The following MIER3 variants were observed in gnomAD, a reference collection of about 807,000 sequenced individuals.
The protein encoded by MIER3 is MIER family member 3.
Under a neutral mutation model 63.2 loss-of-function variants are expected in MIER3, and 9 were observed. The observed-to-expected ratio is 0.14, with a 90% CI of 0.09 to 0.25. The LOEUF (loss-of-function observed/expected upper bound fraction) is 0.25, where lower values mean the gene tolerates loss of function less well. MIER3 is among the 10% of genes least tolerant of loss of function. The probability of loss-of-function intolerance (pLI) is 1.00; values close to 1 mark genes in which losing one functional copy is unlikely to be tolerated. For missense variants in MIER3, 512 were observed against 666.2 expected (o/e 0.77, Z 2.55); for synonymous variants, 205 against 224.9 (o/e 0.91, Z 0.79).
chr5:56,924,498 G>T (rs560499766), intron 10 of MIER3, among the ~76,000 whole-genome samples: 2 of 152,304 alleles, frequency 1.3e-5, no homozygotes, highest in East Asian at 3.9e-4. Flanking sequence ...TTTCTGGAGA[G>T]AAGGAATGCA....
At chr5:56,950,462 TATA>T (rs1561248990) in intron 2 of MIER3, among the ~76,000 whole-genome samples, 163 bp downstream of exon 2, 2 of 152,018 alleles carry the variant, frequency 1.3e-5, no homozygotes, top group Non-Finnish European at 2.9e-5. Flanking sequence ...CAAAGAACAG[TATA>T]ACTGTTTCTT....
chr5:56,927,551 T>C (rs1010237214), intron 10 of MIER3, among the ~76,000 whole-genome samples: 2 of 152,166 alleles, frequency 1.3e-5, no homozygotes, highest in African/African-American at 4.8e-5. Context: ...CTAATGAACA[T>C]ACATATGTAT....
At chr5:56,950,730 G>A (rs1006058342) in intron 1 of MIER3, 78 bp from the exon 2 acceptor site, 4 of 1,545,532 alleles carry the variant, frequency 2.6e-6, no homozygotes, top group East Asian at 2.3e-5. Context: ...GGGCGCAGAG[G>A]AGGCGGAGTC....
intron 10 of MIER3, chr5:56,925,566 G>T: frequency 4.8e-6 from 1 of 207,854 alleles, no homozygotes; most frequent in Non-Finnish European, 9.9e-6. Flanking sequence ...TGCAAAATCT[G>T]TATGAGAAAA....
At chr5:56,950,298 C>T (rs1375836374) in intron 2 of MIER3, among the ~76,000 whole-genome samples, 1 of 152,192 alleles carries the variant, frequency 6.6e-6, no homozygotes, top group East Asian at 1.9e-4. Context: ...AAGTTAAAAT[C>T]TAAATTGCTA....
Position 56,952,099 on chromosome 5 carries a change from C to T in MIER3, c.4G>A (p.Ala2Thr). The T allele has an allele frequency of 7.6e-7, 1 of 1,310,462 alleles. No homozygotes were observed. Among genetic ancestry groups the T allele is most frequent in the Non-Finnish European group, 9.9e-7 (1 of 1,012,066 alleles). 81.2% of individuals were successfully genotyped at this position (1,310,462 alleles called of 1,614,324 possible). Residue 2 changes from alanine to threonine, a missense_variant, in exon 1 of 13, where the codon GCG becomes ACG. By Grantham distance (58) the Ala-to-Thr change is moderately conservative. Transcript: ENST00000381199. M[A>T]EASFGSSSPV... ...TGCCCGGTTTCCCTGCTCACCTCCG[C>T]CATATTGGTACCTTTAGGGCGAACG...
rs939512869 is a variant in MIER3 at position 56,919,879 on chromosome 5, C to A, written c.*3249G>T. 2.0e-5 allele frequency: 3 copies of A among 152,532 alleles called. No homozygotes were observed. The highest frequency in any genetic ancestry group is 7.2e-5 in the African/African-American group (3 of 41,426). 9.4% of individuals were successfully genotyped at this position (152,532 alleles called of 1,614,324 possible). ...TATTTAACAATAAAACTAATAGTTT[C>A]CTCCATTTAGTGAAAAAATTAGGAA... On this transcript the variant is annotated 3_prime_UTR_variant, in exon 13 of 13. Transcript: ENST00000381199.
Position 56,935,713 on chromosome 5 carries a change from C to T in MIER3, c.475G>A (p.Glu159Lys), listed in dbSNP as rs1579850780. The T allele has an allele frequency of 6.2e-7, 1 of 1,614,140 alleles. No homozygotes were observed. Among genetic ancestry groups the T allele is most frequent in the Non-Finnish European group, 8.5e-7 (1 of 1,180,008 alleles). The change falls in exon 6 of 13, where the codon GAA (glutamate) becomes AAA (lysine). Residue 159 changes from glutamate (E) to lysine (K), a missense_variant. Coordinates refer to ENST00000381199, the MANE Select transcript of MIER3 (RefSeq NM_001297599.2). ...ACDGDKESEV[E>K]DVETDSGNSP... ...TTACCACTGTCTGTTTCAACATCTT[C>T]AACCTCTGATTCCTTATCACCATCA...
intron 3 of MIER3, among the ~76,000 whole-genome samples, chr5:56,945,665 C>A (rs1012938515): frequency 2.6e-5 from 4 of 152,106 alleles, no homozygotes; most frequent in African/African-American, 9.7e-5. Flanking sequence ...CATAACACGA[C>A]GTACTAAAAA....
chr5:56,925,253 A>G (rs1749907425), intron 10 of MIER3: 2 of 429,760 alleles, frequency 4.7e-6, no homozygotes, highest in Admixed American at 5.4e-5. Context: ...TGGAAGGTCT[A>G]GCTAATGCAG....
chr5:56,950,849 A>G (rs1311636516), intron 1 of MIER3, among the ~76,000 whole-genome samples, 197 bp from the exon 2 acceptor site: 1 of 151,998 alleles, frequency 6.6e-6, no homozygotes, highest in East Asian at 1.9e-4. Context: ...CCGAGTCCCA[A>G]GTGTACAAAC....
chr5:56,948,745 T>C (rs989687325), intron 2 of MIER3, among the ~76,000 whole-genome samples: 11 of 152,198 alleles, frequency 7.2e-5, no homozygotes, highest in Non-Finnish European at 1.5e-5. Context: ...AATTTTCTTT[T>C]TTTGAGGAAT....
intron 10 of MIER3, among the ~76,000 whole-genome samples, chr5:56,926,340 T>A (rs1397686343): frequency 3.9e-5 from 6 of 151,912 alleles, no homozygotes; most frequent in Non-Finnish European, 7.4e-5. Context: ...TTGCAAAACA[T>A]GTATCTAATA....
chr5:56,939,223 C>T (rs186355892), intron 3 of MIER3, among the ~76,000 whole-genome samples: 1 of 152,334 alleles, frequency 6.6e-6, no homozygotes. Flanking sequence ...AACAGCCTAA[C>T]AATTAACACC....
chr5:56,941,066 AGCTACTT>A (rs1750628348), intron 3 of MIER3: 5 of 985,306 alleles, frequency 5.1e-6, no homozygotes, highest in African/African-American at 1.7e-5. Flanking sequence ...GAGGGCTACT[AGCTACTT>A]GCTACTGGAC....
In MIER3 at chr5:56,949,347, C is replaced by A. The variant is rs528690186; in HGVS notation, c.34+1281G>T. 3.9e-4 allele frequency among the ~76,000 whole-genome samples: 60 copies of A among 152,128 alleles called. 1 individual carries two copies. In the East Asian group the frequency reaches 8.7e-3, roughly 22 times the overall value. ...CAGCCTGCATAACGTCTCAAACAAA[C>A]AAACAAAAAACAAAAAGAGGCTAAT... On this transcript the variant is annotated intron_variant, in intron 2 of 12. Transcript: ENST00000381199.
chr5:56,940,698 T>TA (rs1350761323), intron 3 of MIER3, among the ~76,000 whole-genome samples: 2 of 152,234 alleles, frequency 1.3e-5, no homozygotes, highest in Non-Finnish European at 2.9e-5. Flanking sequence ...GGAATCAGCA[T>TA]AAATTGAATT....
chr5:56,937,737 T>G, intron 4 of MIER3, 39 bp from the exon 5 acceptor site: 1 of 1,511,974 alleles, frequency 6.6e-7, no homozygotes, highest in Non-Finnish European at 8.9e-7. Context: ...TTAGAAATGA[T>G]TACATCTCAT....
chr5:56,938,751 C>G (rs938556990), intron 4 of MIER3, 132 bp downstream of exon 4: 11 of 1,196,246 alleles, frequency 9.2e-6, no homozygotes, highest in Admixed American at 2.4e-5. Context: ...AAGTTTAAAT[C>G]AGCCACCAAA....
Sources: allele counts gnomAD v4.1 joint callset (sites outside exome capture counted in the v4.1 genomes callset), GRCh38; gene constraint gnomAD v4.1.1; transcripts MANE v1.5; gene names NCBI Gene and HGNC (gene_info 2026-07-23, HGNC 2026-07-21).